The following FOXP1 variants were observed in gnomAD, a reference collection of about 807,000 sequenced individuals.
The protein encoded by FOXP1 is forkhead box protein P1.
A neutral mutation model predicts 98.2 loss-of-function variants in FOXP1; 15 were observed. The observed-to-expected ratio is 0.15, with a 90% CI of 0.10 to 0.24. The LOEUF is 0.24. FOXP1 is among the 10% of genes least tolerant of loss of function. The probability of loss-of-function intolerance (pLI) is 1.00; values close to 1 mark genes in which losing one functional copy is unlikely to be tolerated. For missense variants in FOXP1, 633 were observed against 848.5 expected, an observed-to-expected ratio of 0.75 and a Z score of 3.15; for synonymous variants, 371 against 314.5, an observed-to-expected ratio of 1.18 and a Z score of -1.90.
intron 6 of FOXP1, among the ~76,000 whole-genome samples, chr3:71,176,820 G>T (rs1469476049): frequency 6.6e-6 from 1 of 151,292 alleles, no homozygotes; most frequent in East Asian, 1.9e-4. Flanking sequence ...CCAGCACTTT[G>T]GGAGGCTGAT....
intron 5 of FOXP1, among the ~76,000 whole-genome samples, chr3:71,225,964 C>CA (rs938278567): frequency 3.8e-4 from 58 of 151,830 alleles, no homozygotes; most frequent in Non-Finnish European, 6.6e-4. Flanking sequence ...GAGGGCTTAC[C>CA]AAAAAAAACT....
At chr3:70,974,740 C>T (rs2037135394) in intron 17 of FOXP1, among the ~76,000 whole-genome samples, 1 of 152,198 alleles carries the variant, frequency 6.6e-6, no homozygotes, top group South Asian at 2.1e-4. Flanking sequence ...AGAGATATAA[C>T]TTGAAAAGAA....
At chr3:71,204,707 G>A (rs2108425971) in intron 5 of FOXP1, among the ~76,000 whole-genome samples, 1 of 151,898 alleles carries the variant, frequency 6.6e-6, no homozygotes, top group Non-Finnish European at 1.5e-5. Flanking sequence ...GCCCCAAGAT[G>A]TAGAGTTACT....
chr3:71,283,215 G>A (rs1037539766), intron 5 of FOXP1, among the ~76,000 whole-genome samples: 2 of 152,164 alleles, frequency 1.3e-5, no homozygotes, highest in African/African-American at 2.4e-5. Context: ...AGAATGAGCT[G>A]CTTGGGTTTA....
intron 4 of FOXP1, among the ~76,000 whole-genome samples, chr3:71,322,591 C>T (rs2075454328): frequency 6.6e-6 from 1 of 152,020 alleles, no homozygotes. Context: ...CCAGGTGGAG[C>T]GAGGCACACA....
chr3:71,373,317 G>C (rs547223252), intron 3 of FOXP1, among the ~76,000 whole-genome samples: 1 of 75,764 alleles, frequency 1.3e-5, no homozygotes, highest in Non-Finnish European at 3.5e-5. Flanking sequence ...CAAAATGTTC[G>C]CCTTTACAAA....
At chr3:71,382,458 A>G (rs2080257030) in intron 3 of FOXP1, among the ~76,000 whole-genome samples, 1 of 152,174 alleles carries the variant, frequency 6.6e-6, no homozygotes, top group Non-Finnish European at 1.5e-5. Flanking sequence ...GGCCTAAAAC[A>G]TGCCAACTAA....
intron 3 of FOXP1, among the ~76,000 whole-genome samples, chr3:71,360,053 A>C (rs1044201786): frequency 2.0e-5 from 3 of 152,212 alleles, no homozygotes; most frequent in Non-Finnish European, 4.4e-5. Context: ...TCGGCCTCTC[A>C]AAGTGCTGGG....
At chr3:71,460,953 C>T (rs2088033132) in intron 3 of FOXP1, among the ~76,000 whole-genome samples, 1 of 152,044 alleles carries the variant, frequency 6.6e-6, no homozygotes, top group Non-Finnish European at 1.5e-5. Context: ...GGGAATAGCT[C>T]TGACAAGCTG....
intron 5 of FOXP1, among the ~76,000 whole-genome samples, chr3:71,229,022 C>T (rs1338242736): frequency 1.4e-5 from 2 of 148,074 alleles, no homozygotes; most frequent in Admixed American, 6.8e-5. Flanking sequence ...AATGAGCAGA[C>T]CTGTATTTTA....
chr3:71,169,516 A>G (rs1468268199), intron 6 of FOXP1, among the ~76,000 whole-genome samples: 1 of 152,198 alleles, frequency 6.6e-6, no homozygotes, highest in Non-Finnish European at 1.5e-5. Flanking sequence ...AGTAAAATGC[A>G]GAGCATGTTC....
intron 11 of FOXP1, among the ~76,000 whole-genome samples, chr3:71,037,902 T>C (rs2047822580): frequency 6.6e-6 from 1 of 152,246 alleles, no homozygotes; most frequent in Non-Finnish European, 1.5e-5. Context: ...GGGTTTCTAT[T>C]GGCAATCTTT....
At chr3:71,108,691 G>C (rs1020144534) in intron 7 of FOXP1, among the ~76,000 whole-genome samples, 1 of 152,104 alleles carries the variant, frequency 6.6e-6, no homozygotes, top group Non-Finnish European at 1.5e-5. Context: ...CTTGAACCTG[G>C]AAGACGGAGG....
At chr3:71,236,619 C>CTGT (rs1315146913) in intron 5 of FOXP1, among the ~76,000 whole-genome samples, 2 of 152,122 alleles carry the variant, frequency 1.3e-5, no homozygotes, top group Non-Finnish European at 2.9e-5. Context: ...CCTGTAATCC[C>CTGT]AACACTTTGG....
At chr3:71,536,219 T>TA (rs1186118193) in intron 2 of FOXP1, among the ~76,000 whole-genome samples, 1 of 152,160 alleles carries the variant, frequency 6.6e-6, no homozygotes, top group Non-Finnish European at 1.5e-5. Context: ...CTCTGTTACT[T>TA]ATAACCAAAG....
chr3:71,273,687 C>A (rs769016264), intron 5 of FOXP1, among the ~76,000 whole-genome samples: 2 of 152,092 alleles, frequency 1.3e-5, no homozygotes, highest in Non-Finnish European at 2.9e-5. Flanking sequence ...ACTAACTGTG[C>A]AGCCCAGACA....
At chr3:71,198,126 T>C in intron 6 of FOXP1, 76 bp downstream of exon 6, 8 of 1,613,144 alleles carry the variant, frequency 5.0e-6, no homozygotes, top group Non-Finnish European at 6.8e-6. Flanking sequence ...GATCGCGAGA[T>C]CGCGATTAAG....
intron 13 of FOXP1, among the ~76,000 whole-genome samples, chr3:70,996,311 G>C (rs2041353606): frequency 6.6e-6 from 1 of 152,176 alleles, no homozygotes; most frequent in Non-Finnish European, 1.5e-5. Context: ...TAAATACACA[G>C]GGACAGGACA....
intron 3 of FOXP1, chr3:71,360,416 T>A (rs2078479985): frequency 6.6e-6 from 1 of 152,200 alleles, no homozygotes; most frequent in Non-Finnish European, 1.5e-5. Flanking sequence ...AAACAGTCAC[T>A]CTGTTCATGT....
Sources: allele counts gnomAD v4.1 joint callset (sites outside exome capture counted in the v4.1 genomes callset), GRCh38; gene constraint gnomAD v4.1.1; transcripts MANE v1.5; gene names NCBI Gene and HGNC (gene_info 2026-07-23, HGNC 2026-07-21).